Variants in REEP1 observed in about 807,000 individuals in gnomAD.
The protein encoded by REEP1 is receptor accessory protein 1.
Under a neutral mutation model 40.3 loss-of-function variants are expected in REEP1, and 22 were observed. The ratio of observed to expected loss-of-function variants is 0.55; its 90% CI spans 0.39 to 0.78. The LOEUF is 0.78. Ranked by LOEUF, REEP1 falls within the 30% of genes least tolerant of loss-of-function variation. The pLI, the probability that REEP1 is intolerant of heterozygous loss-of-function variation, is 0.00. For missense variants in REEP1, 280 were observed against 361.1 expected, an observed-to-expected ratio of 0.78 and a Z score of 1.82; for synonymous variants, 116 against 139.2, an observed-to-expected ratio of 0.83 and a Z score of 1.17.
At chr2:86,234,028 A>G (rs1281390823) in intron 5 of REEP1, among the ~76,000 whole-genome samples, 2 of 152,156 alleles carry the variant, frequency 1.3e-5, no homozygotes, top group Non-Finnish European at 2.9e-5. Flanking sequence ...ACAGTTGAGT[A>G]AGAGGTTTTC....
chr2:86,275,089 T>C (rs1011271276), intron 2 of REEP1, among the ~76,000 whole-genome samples: 40 of 152,170 alleles, frequency 2.6e-4, no homozygotes, highest in African/African-American at 9.7e-4. Context: ...CACACCCTCT[T>C]GCATCTGGGC....
rs188262850 is a variant in REEP1 at position 86,304,584 on chromosome 2, G to T, written c.33-22342C>A. ...TCCCAAAGCCGCTATCATTGCTGGA[G>T]TGCTTGTTAAGAAGTTAAGCAAACA... is the stretch of plus-strand genomic sequence containing the variant. On this transcript the variant is annotated intron_variant, in intron 1 of 8. Coordinates refer to ENST00000538924, the MANE Select transcript of REEP1 (RefSeq NM_001371279.1). 2.1e-3 allele frequency among the ~76,000 whole-genome samples: 326 copies of T among 152,220 alleles called. 3 individuals carry two copies. The highest frequency in any genetic ancestry group is 1.8e-3 in the Non-Finnish European group (125 of 68,030).
chr2:86,275,479 A>G (rs1188641494), intron 2 of REEP1, among the ~76,000 whole-genome samples: 1 of 152,168 alleles, frequency 6.6e-6, no homozygotes, highest in South Asian at 2.1e-4. Context: ...TATACTCTAA[A>G]TTACTTCCTT....
chr2:86,262,413 AGTGCAGG>A (rs1676915501), intron 3 of REEP1, among the ~76,000 whole-genome samples: 1 of 152,250 alleles, frequency 6.6e-6, no homozygotes, highest in South Asian at 2.1e-4. Flanking sequence ...ACCTGTGCAC[AGTGCAGG>A]GTGCGAAGGC....
intron 5 of REEP1, among the ~76,000 whole-genome samples, chr2:86,236,373 T>C (rs1303827108): frequency 6.6e-6 from 1 of 152,218 alleles, no homozygotes; most frequent in African/African-American, 2.4e-5. Context: ...TCTAGACCAT[T>C]GTCTTCTGGG....
At chr2:86,244,531 T>C (rs971851734) in intron 5 of REEP1, among the ~76,000 whole-genome samples, 1 of 152,122 alleles carries the variant, frequency 6.6e-6, no homozygotes, top group Non-Finnish European at 1.5e-5. Flanking sequence ...AGAGAGCAAG[T>C]CAGGAAAGCA....
At chr2:86,293,295 C>T (rs1180912408) in intron 1 of REEP1, among the ~76,000 whole-genome samples, 1 of 152,164 alleles carries the variant, frequency 6.6e-6, no homozygotes, top group Non-Finnish European at 1.5e-5. Context: ...CACAACATGG[C>T]CGGGGTGCCA....
At chr2:86,329,172 T>C (rs1376579630) in intron 1 of REEP1, among the ~76,000 whole-genome samples, 2 of 152,188 alleles carry the variant, frequency 1.3e-5, no homozygotes, top group African/African-American at 4.8e-5. Context: ...TTCAGATGCT[T>C]CTCTTCTCTC....
At chr2:86,321,066 C>A (rs1227764218) in intron 1 of REEP1, among the ~76,000 whole-genome samples, 1 of 152,168 alleles carries the variant, frequency 6.6e-6, no homozygotes, top group Non-Finnish European at 1.5e-5. Flanking sequence ...ATCTGCCCAC[C>A]TTGGCCTCCC....
chr2:86,297,639 G>C, intron 1 of REEP1: 1 of 907,324 alleles, frequency 1.1e-6, no homozygotes, highest in Non-Finnish European at 1.3e-6. Flanking sequence ...GATTCTCCCC[G>C]GGGGTTGGAG....
At chr2:86,232,893 A>G in intron 5 of REEP1, 91 bp from the exon 6 acceptor site, 1 of 1,311,540 alleles carries the variant, frequency 7.6e-7, no homozygotes, top group Non-Finnish European at 1.1e-6. Flanking sequence ...ATGGTCAGCC[A>G]GGTGGAAATC....
chr2:86,233,569 C>G (rs951101051), intron 5 of REEP1, among the ~76,000 whole-genome samples: 3 of 152,008 alleles, frequency 2.0e-5, no homozygotes. Context: ...TCCTCACTGT[C>G]TGGATGAGAG....
At chr2:86,331,521 A>C (rs1680760643) in intron 1 of REEP1, among the ~76,000 whole-genome samples, 1 of 151,642 alleles carries the variant, frequency 6.6e-6, no homozygotes. Context: ...GTGAAAGGAA[A>C]AAAAAAAGGT....
chr2:86,333,376 C>A (rs1031676668), intron 1 of REEP1, among the ~76,000 whole-genome samples: 17 of 152,178 alleles, frequency 1.1e-4, no homozygotes, highest in Admixed American at 1.0e-3. Flanking sequence ...CTTCAGCCAT[C>A]AAACTAAGAC....
At chr2:86,300,948 T>C (rs1484678979) in intron 1 of REEP1, among the ~76,000 whole-genome samples, 2 of 152,146 alleles carry the variant, frequency 1.3e-5, no homozygotes, top group East Asian at 3.8e-4. Context: ...CGCCTCTGGG[T>C]ACCACTGACA....
chr2:86,227,230 G>C (rs1470258831), intron 7 of REEP1, 133 bp downstream of exon 7: 2 of 620,090 alleles, frequency 3.2e-6, no homozygotes, highest in Non-Finnish European at 4.7e-6. Context: ...CTGTTATAAA[G>C]GGTTAACCTC....
At chr2:86,319,210 T>C (rs1233651007) in intron 1 of REEP1, among the ~76,000 whole-genome samples, 3 of 152,180 alleles carry the variant, frequency 2.0e-5, no homozygotes, top group Admixed American at 6.5e-5. Flanking sequence ...TCAGGTATTC[T>C]CATTCAGTAG....
chr2:86,299,452 C>T (rs1186094837), intron 1 of REEP1, among the ~76,000 whole-genome samples: 1 of 152,224 alleles, frequency 6.6e-6, no homozygotes, highest in African/African-American at 2.4e-5. Context: ...TTGAGAACCA[C>T]TGTTCTATGC....
At chr2:86,272,979 C>T (rs1245421306) in intron 2 of REEP1, among the ~76,000 whole-genome samples, 2 of 151,992 alleles carry the variant, frequency 1.3e-5, no homozygotes, top group Admixed American at 1.3e-4. Flanking sequence ...CAAAAATTAG[C>T]TGGGCATGGT....
Sources: allele counts gnomAD v4.1 joint callset (sites outside exome capture counted in the v4.1 genomes callset), GRCh38; gene constraint gnomAD v4.1.1; transcripts MANE v1.5; gene names NCBI Gene and HGNC (gene_info 2026-07-23, HGNC 2026-07-21).